Variants in TCF12 observed in about 807,000 individuals in gnomAD.
TCF12 encodes the protein DNA-binding protein HTF4.
In TCF12, 45 loss-of-function variants were observed where a neutral mutation model predicts 86.0. The ratio of observed to expected loss-of-function variants is 0.52; its 90% CI spans 0.41 to 0.67. TCF12 has a LOEUF of 0.67. Ranked by LOEUF, TCF12 falls within the 30% of genes least tolerant of loss-of-function variation. The pLI, the probability that TCF12 is intolerant of heterozygous loss-of-function variation, is 0.00. For missense variants in TCF12, 881 were observed against 859.9 expected (o/e 1.02, Z -0.31); for synonymous variants, 330 against 299.6 (o/e 1.10, Z -1.05).
rs758797197 is a variant in TCF12 at position 56,966,559 on chromosome 15, A to G, written c.148+45461A>G. 4.6e-5 allele frequency among the ~76,000 whole-genome samples: 7 copies of G among 152,120 alleles called. No homozygotes were observed. In the South Asian group the frequency reaches 1.0e-3, roughly 22 times the overall value. ...TGAGCTTTGTTGAAACTCTTTTTCT[A>G]TCTTATTTCTCTGTTAGTCTCTGGG... On this transcript the variant is annotated intron_variant, in intron 3 of 20. Transcript: ENST00000333725.
chr15:56,962,809 C>G (rs961019122), intron 3 of TCF12, among the ~76,000 whole-genome samples: 1 of 152,130 alleles, frequency 6.6e-6, no homozygotes, highest in Non-Finnish European at 1.5e-5. Flanking sequence ...ATGTGAACAG[C>G]TCGACTTTCA....
At chr15:57,061,148 G>A (rs1306128440) in intron 3 of TCF12, among the ~76,000 whole-genome samples, 1 of 152,038 alleles carries the variant, frequency 6.6e-6, no homozygotes, top group Non-Finnish European at 1.5e-5. Context: ...ATTAGTCTTT[G>A]CTTTTTCTTT....
At chr15:57,253,635 A>G (rs561392168) in intron 16 of TCF12, among the ~76,000 whole-genome samples, 167 bp downstream of exon 16, 60 of 152,350 alleles carry the variant, frequency 3.9e-4, no homozygotes, top group African/African-American at 1.3e-3. Context: ...GTATTAGTCC[A>G]TAAAATCTTC....
intron 5 of TCF12, among the ~76,000 whole-genome samples, chr15:57,154,007 A>G (rs553292350): frequency 2.0e-5 from 3 of 152,204 alleles, no homozygotes; most frequent in South Asian, 2.1e-4. Context: ...TAAAAAAAAA[A>G]AAAGAAAAGA....
chr15:57,056,747 C>A (rs1191975891), intron 3 of TCF12, among the ~76,000 whole-genome samples: 7 of 152,092 alleles, frequency 4.6e-5, no homozygotes, highest in Non-Finnish European at 1.0e-4. Flanking sequence ...GAAAGAGACA[C>A]CACACCTGGC....
chr15:57,271,336 G>A (rs189522061), intron 18 of TCF12, among the ~76,000 whole-genome samples: 302 of 152,338 alleles, frequency 2.0e-3, no homozygotes, highest in Non-Finnish European at 3.0e-3. Context: ...ATCCCAGGTC[G>A]ATCTCAGACT....
intron 16 of TCF12, among the ~76,000 whole-genome samples, chr15:57,261,310 T>C (rs535168490): frequency 1.0e-3 from 152 of 152,332 alleles, no homozygotes; most frequent in African/African-American, 3.6e-3. Flanking sequence ...TTAGATCTAC[T>C]ACCAAATGAC....
At chr15:57,089,376 G>A (rs929278709) in intron 4 of TCF12, among the ~76,000 whole-genome samples, 6 of 151,986 alleles carry the variant, frequency 3.9e-5, no homozygotes, top group African/African-American at 1.2e-4. Context: ...TGTATTTGAG[G>A]AAAAAAGTCT....
intron 4 of TCF12, among the ~76,000 whole-genome samples, chr15:57,087,035 C>T (rs1033341723): frequency 6.7e-6 from 1 of 149,246 alleles, no homozygotes; most frequent in Admixed American, 6.8e-5. Flanking sequence ...CTGTCTCTTC[C>T]CCTCTCTCTC....
intron 5 of TCF12, among the ~76,000 whole-genome samples, chr15:57,157,457 T>A (rs1354723005): frequency 4.6e-5 from 7 of 152,126 alleles, no homozygotes; most frequent in Non-Finnish European, 1.0e-4. Flanking sequence ...AGATGTAAAT[T>A]ATGTTATCAA....
At chr15:57,079,494 C>T (rs919921331) in intron 4 of TCF12, among the ~76,000 whole-genome samples, 2 of 152,134 alleles carry the variant, frequency 1.3e-5, no homozygotes, top group Admixed American at 6.6e-5. Flanking sequence ...TGGAACAGTA[C>T]TTTTTCTGCT....
chr15:57,247,262 C>T, intron 13 of TCF12: 1 of 648,672 alleles, frequency 1.5e-6, no homozygotes, highest in African/African-American at 1.8e-5. Flanking sequence ...ATTATATCCG[C>T]CATCACCTCC....
chr15:57,222,501 A>G (rs1470515382), intron 8 of TCF12, among the ~76,000 whole-genome samples: 5 of 151,882 alleles, frequency 3.3e-5, no homozygotes, highest in East Asian at 1.9e-4. Context: ...GTGTAGCTGT[A>G]TTCTTTATCA....
At chr15:57,233,439 A>G (rs1187708586) in intron 11 of TCF12, among the ~76,000 whole-genome samples, 2 of 151,960 alleles carry the variant, frequency 1.3e-5, no homozygotes, top group South Asian at 2.1e-4. Flanking sequence ...CGGCCTCCCA[A>G]AATGCTAGCA....
chr15:57,197,926 T>C (rs2057352791), intron 8 of TCF12, 101 bp downstream of exon 8: 1 of 1,122,392 alleles, frequency 8.9e-7, no homozygotes, highest in Non-Finnish European at 1.3e-6. Flanking sequence ...CGAGTGGGCA[T>C]ACTTTACATA....
At chr15:57,290,416 G>A (rs114390756), downstream of TCF12, among the ~76,000 whole-genome samples, 584 of 151,848 alleles carry the variant, frequency 3.8e-3, 2 homozygotes, top group African/African-American at 0.014. Context: ...AGCTGTATCA[G>A]TTTGGGTTCT....
chr15:57,141,277 A>AGTTTCTC (rs2052943007), intron 5 of TCF12, among the ~76,000 whole-genome samples: 1 of 152,246 alleles, frequency 6.6e-6, no homozygotes, highest in East Asian at 1.9e-4. Context: ...TTCTCCAGAT[A>AGTTTCTC]CAGAGTAATG....
In TCF12 at chr15:57,232,834, C is replaced by G; in HGVS notation, c.948C>G (p.Ile316Met). The stretch of plus-strand genomic sequence containing the variant: ...TTGCTGCCTCACACACTCCTCCCAT[C>G]AATGGATCAGACAGCATTCTAGGTG... The part of the protein sequence containing the change: ...PYVAASHTPP[I>M]NGSDSILGTR... Residue 316 changes from isoleucine (I) to methionine (M), a missense_variant, in exon 11 of 21, where the codon ATC (isoleucine) becomes ATG (methionine). Ile to Met is a conservative substitution (Grantham distance 10). Transcript: ENST00000333725. 6.2e-7 allele frequency: 1 copy of G among 1,604,906 alleles called. No homozygotes were observed. Among genetic ancestry groups the G allele is most frequent in the Non-Finnish European group, 8.5e-7 (1 of 1,175,650 alleles).
At chr15:57,230,638 G>A (rs12902170) in intron 8 of TCF12, among the ~76,000 whole-genome samples, 59,624 of 151,920 alleles carry the variant, frequency 0.39, 14,579 homozygotes, top group Non-Finnish European at 0.54. Context: ...AGTTAAGGAA[G>A]TTCCTGAACA....
Sources: allele counts gnomAD v4.1 joint callset (sites outside exome capture counted in the v4.1 genomes callset), GRCh38; gene constraint gnomAD v4.1.1; transcripts MANE v1.5; gene names NCBI Gene and HGNC (gene_info 2026-07-23, HGNC 2026-07-21).